Variants in CLIP2 observed in about 807,000 individuals in gnomAD.
CLIP2 encodes CAP-Gly domain-containing linker protein 2.
A neutral mutation model predicts 111.7 loss-of-function variants in CLIP2; 41 were observed. The observed-to-expected ratio is 0.37, with a 90% CI of 0.29 to 0.48. CLIP2 has a LOEUF of 0.48. CLIP2 is among the 20% of genes least tolerant of loss of function. The pLI, the probability that CLIP2 is intolerant of heterozygous loss-of-function variation, is 0.99. For missense variants in CLIP2, 1,160 were observed against 1,422.1 expected (o/e 0.82, Z 2.96); for synonymous variants, 660 against 644.2 (o/e 1.02, Z -0.37).
At chr7:74,323,728 G>T (rs1177353274) in intron 2 of CLIP2, among the ~76,000 whole-genome samples, 1 of 152,002 alleles carries the variant, frequency 6.6e-6, no homozygotes. Flanking sequence ...GCCTGGCCCT[G>T]GCCTAGATGT....
chr7:74,390,162 GAAGAAAGA>G (rs200256078), intron 13 of CLIP2, among the ~76,000 whole-genome samples: 6,436 of 84,580 alleles, frequency 0.076, 259 homozygotes, highest in South Asian at 0.13. Flanking sequence ...AAGAAAGAAA[GAAGAAAGA>G]AAGAAAGAAA....
rs1788818477 is a variant in CLIP2, at chr7:74,317,571, C to T, written c.25C>T (p.Pro9Ser). Residue 9 changes from proline to serine, a missense_variant, in exon 2 of 17, where the codon CCC (proline) becomes TCC (serine). By Grantham distance (74) the Pro-to-Ser change is moderately conservative (BLOSUM62 -1). Transcript: ENST00000223398. ...CATGCAGAAGCCCAGCGGCCTGAAG[C>T]CCCCCGGCCGTGGGGGGAAGCACTC... is the stretch of plus-strand genomic sequence containing the variant. MQKPSGLKPPGRGGKHSSP... is the reference protein window; with the variant it reads MQKPSGLKSPGRGGKHSSP... 6.8e-7 allele frequency: 1 copy of T among 1,478,368 alleles called. No individual in the cohort carries two copies. Among genetic ancestry groups the T allele is most frequent in the Non-Finnish European group, 9.0e-7 (1 of 1,106,966 alleles). 91.6% of individuals were successfully genotyped at this position (1,478,368 alleles called of 1,614,324 possible). A position where few individuals can be genotyped will look rare whatever the true frequency, so the allele number is the denominator to read the frequency against.
intron 5 of CLIP2, 51 bp from the exon 6 acceptor site, chr7:74,357,229 C>A: frequency 6.5e-7 from 1 of 1,549,456 alleles, no homozygotes; most frequent in Non-Finnish European, 8.9e-7. Context: ...CCAGTCTGCC[C>A]TGCAGTGCTT....
chr7:74,385,122 C>CAAAAAAAAAAAAAA (rs71094780), intron 11 of CLIP2, among the ~76,000 whole-genome samples: 1 of 51,610 alleles, frequency 1.9e-5, no homozygotes, highest in Non-Finnish European at 3.7e-5. Flanking sequence ...ATTAAAAATA[C>CAAAAAAAAAAAAAA]AAAAAAAAAA....
At chr7:74,311,142 G>A (rs1788631980) in intron 1 of CLIP2, among the ~76,000 whole-genome samples, 1 of 151,792 alleles carries the variant, frequency 6.6e-6, no homozygotes. Context: ...ACCACGCTCG[G>A]CTAATTTTTT....
chr7:74,317,565 C>G lies in CLIP2; in HGVS notation c.19C>G (p.Leu7Val), dbSNP rs1788818382. 1 of 1,469,604 alleles carries G rather than the reference C, an allele frequency of 6.8e-7. No homozygotes were observed. The highest frequency in any genetic ancestry group is 1.4e-5 in the African/African-American group (1 of 69,192). 91.0% of individuals were successfully genotyped at this position (1,469,604 alleles called of 1,614,324 possible). A position where few individuals can be genotyped will look rare whatever the true frequency, so the allele number is the denominator to read the frequency against. MQKPSGLKPPGRGGKHS... is the reference protein window; with the variant it reads MQKPSGVKPPGRGGKHS... ...CACCGCCATGCAGAAGCCCAGCGGC[C>G]TGAAGCCCCCCGGCCGTGGGGGGAA... is the stretch of plus-strand genomic sequence containing the variant. Residue 7 changes from leucine (L) to valine (V), a missense_variant, in exon 2 of 17, where the codon CTG becomes GTG. By Grantham distance (32) the Leu-to-Val change is conservative (BLOSUM62 1). Around this residue, in one of 5 missense-constraint regions of CLIP2, gnomAD observed 301 missense variants for 315.2 expected, o/e 0.96. Coordinates refer to ENST00000223398, the MANE Select transcript of CLIP2 (RefSeq NM_003388.5).
chr7:74,391,913 A>G (rs1424516446), intron 13 of CLIP2, among the ~76,000 whole-genome samples: 1 of 152,138 alleles, frequency 6.6e-6, no homozygotes, highest in African/African-American at 2.4e-5. Context: ...CCCTTAAAAA[A>G]TGGGAAGATC....
At chr7:74,402,223 T>C (rs1012678683) in intron 16 of CLIP2, among the ~76,000 whole-genome samples, 1 of 150,134 alleles carries the variant, frequency 6.7e-6, no homozygotes, top group Admixed American at 6.7e-5. Flanking sequence ...CCAGCTACTC[T>C]GGAGGCTGAG....
intron 1 of CLIP2, among the ~76,000 whole-genome samples, chr7:74,302,760 A>G (rs1403496061): frequency 6.6e-6 from 1 of 152,150 alleles, no homozygotes; most frequent in African/African-American, 2.4e-5. Flanking sequence ...TCCTGTTTGA[A>G]GCCACGTGGG....
chr7:74,340,328 AGAGG>A (rs1789622596), intron 3 of CLIP2, among the ~76,000 whole-genome samples: 1 of 152,078 alleles, frequency 6.6e-6, no homozygotes, highest in Non-Finnish European at 1.5e-5. Context: ...CCCAGGAGGC[AGAGG>A]TTTCAGTGAG....
Position 74,404,037 on chromosome 7 carries a change from G to A in CLIP2, c.*189G>A. The stretch of plus-strand genomic sequence containing the variant: ...TCGCCAGACCAGGACGCTTCCTCAA[G>A]CCCAGCCTTCTACAGAGAGTGTGAA... On this transcript the variant is annotated 3_prime_UTR_variant, in exon 17 of 17. Coordinates refer to ENST00000223398, the MANE Select transcript of CLIP2 (RefSeq NM_003388.5). 1.5e-6 allele frequency: 1 copy of A among 658,416 alleles called. No individual in the cohort carries two copies. Among genetic ancestry groups the A allele is most frequent in the South Asian group, 1.7e-5 (1 of 60,458 alleles). 40.8% of individuals were successfully genotyped at this position (658,416 alleles called of 1,614,324 possible).
intron 14 of CLIP2, among the ~76,000 whole-genome samples, chr7:74,398,635 C>T (rs1408571878): frequency 1.3e-5 from 2 of 152,228 alleles, no homozygotes; most frequent in African/African-American, 4.8e-5. Flanking sequence ...CCACCGACCC[C>T]CTATATCCGG....
chr7:74,389,225 G>C lies in CLIP2; in HGVS notation c.2686G>C (p.Val896Leu). Residue 896 changes from valine to leucine, a missense_variant, in exon 13 of 17, where the codon GTC (valine) becomes CTC (leucine). Around this residue, in one of 5 missense-constraint regions of CLIP2, gnomAD observed 676 missense variants for 777.8 expected, o/e 0.87. Transcript: ENST00000223398. ...GACCCATGACGCCTCGGGCCAGCTA[G>C]TCCTCATCAGCCAGGAGCTGCTGCG... ...RKTHDASGQL[V>L]LISQELLRKE... 2 of 1,610,194 alleles carry C rather than the reference G, an allele frequency of 1.2e-6. No homozygotes were observed. The highest frequency in any genetic ancestry group is 1.3e-5 in the African/African-American group (1 of 74,930).
chr7:74,301,529 C>A (rs1482940260), intron 1 of CLIP2, among the ~76,000 whole-genome samples: 1 of 149,884 alleles, frequency 6.7e-6, no homozygotes, highest in East Asian at 2.0e-4. Context: ...ATTACAGGCA[C>A]CCGCCACAAT....
At chr7:74,310,792 A>C (rs1788623096) in intron 1 of CLIP2, among the ~76,000 whole-genome samples, 1 of 151,574 alleles carries the variant, frequency 6.6e-6, no homozygotes, top group African/African-American at 2.4e-5. Flanking sequence ...GCTCACTGCA[A>C]CCTCTGCCTC....
At chr7:74,295,989 C>CA (rs368834820) in intron 1 of CLIP2, among the ~76,000 whole-genome samples, 21,604 of 70,280 alleles carry the variant, frequency 0.31, 4,085 homozygotes, top group African/African-American at 0.49. Context: ...ACCCTGTCTC[C>CA]AAAAAAAAAA....
At position 74,345,425 on chromosome 7, in the gene CLIP2, G is replaced by C. The variant is rs548400297; in HGVS notation, c.678+6421G>C. On this transcript the variant is annotated intron_variant, in intron 3 of 16. Coordinates refer to ENST00000223398, the MANE Select transcript of CLIP2 (RefSeq NM_003388.5). ...ATTTTTGTATTTTTTAGTGAGACAG[G>C]GTTTCTCCATGTTGCCAGGATGGTC... is the stretch of plus-strand genomic sequence containing the variant. Among the ~76,000 whole-genome samples the C allele has an allele frequency of 3.0e-4, 46 of 151,858 alleles. 1 individual carries two copies. The highest frequency in any genetic ancestry group is 1.8e-4 in the Non-Finnish European group (12 of 67,936).
At chr7:74,373,950 G>T (rs1790708151) in intron 9 of CLIP2, among the ~76,000 whole-genome samples, 1 of 152,098 alleles carries the variant, frequency 6.6e-6, no homozygotes, top group Non-Finnish European at 1.5e-5. Flanking sequence ...CCATGGAACA[G>T]CTCTGCTTGT....
At chr7:74,307,471 G>A (rs1383304219) in intron 1 of CLIP2, among the ~76,000 whole-genome samples, 8 of 152,148 alleles carry the variant, frequency 5.3e-5, no homozygotes, top group African/African-American at 1.9e-4. Flanking sequence ...GCAATGCCTG[G>A]TAGACAGTAG....
Sources: allele counts gnomAD v4.1 joint callset (sites outside exome capture counted in the v4.1 genomes callset), GRCh38; gene constraint gnomAD v4.1.1; regional missense constraint gnomAD v4.1.1; transcripts MANE v1.5; gene names NCBI Gene and HGNC (gene_info 2026-07-23, HGNC 2026-07-21).